PPP1R12A: variants seen among roughly 807,000 people sequenced by gnomAD.
PPP1R12A encodes myosin binding subunit.
Under a neutral mutation model 139.6 loss-of-function variants are expected in PPP1R12A, and 19 were observed. That is an observed-to-expected ratio of 0.14 (90% CI 0.09 to 0.20). The LOEUF (loss-of-function observed/expected upper bound fraction) is 0.20. PPP1R12A is among the 10% of genes least tolerant of loss of function. PPP1R12A has a pLI of 1.00. For missense variants in PPP1R12A, 925 were observed against 1,211.5 expected, an observed-to-expected ratio of 0.76 and a Z score of 3.51; for synonymous variants, 427 against 420.6, an observed-to-expected ratio of 1.02 and a Z score of -0.19.
chr12:79,838,334 G>A (rs547303396), intron 3 of PPP1R12A, among the ~76,000 whole-genome samples: 3 of 152,326 alleles, frequency 2.0e-5, no homozygotes, highest in East Asian at 1.9e-4. Context: ...AAAGGAAGCA[G>A]AGCATAAAAG....
At chr12:79,875,221 G>A (rs552233431) in intron 1 of PPP1R12A, among the ~76,000 whole-genome samples, 2 of 152,024 alleles carry the variant, frequency 1.3e-5, no homozygotes, top group Non-Finnish European at 2.9e-5. Flanking sequence ...TTTACCCTGG[G>A]GAGGCTTTCT....
At chr12:79,826,681 T>A (rs994413050) in intron 5 of PPP1R12A, among the ~76,000 whole-genome samples, 1 of 152,218 alleles carries the variant, frequency 6.6e-6, no homozygotes, top group African/African-American at 2.4e-5. Flanking sequence ...ATAAATTGTA[T>A]AGCATAGGAA....
intron 2 of PPP1R12A, among the ~76,000 whole-genome samples, chr12:79,868,747 T>C (rs75016209): frequency 1.0e-3 from 156 of 152,254 alleles, no homozygotes; most frequent in Middle Eastern, 3.4e-3. Flanking sequence ...CTTCTCCAAA[T>C]AGAGTCACAT....
intron 5 of PPP1R12A, among the ~76,000 whole-genome samples, chr12:79,824,426 A>G (rs996284641): frequency 1.2e-4 from 19 of 152,198 alleles, no homozygotes; most frequent in South Asian, 2.1e-4. Flanking sequence ...GTTAAATGCA[A>G]TGGAGTCACT....
intron 2 of PPP1R12A, among the ~76,000 whole-genome samples, chr12:79,863,962 T>C (rs1881669559): frequency 6.6e-6 from 1 of 152,140 alleles, no homozygotes; most frequent in Admixed American, 6.6e-5. Flanking sequence ...TATCCAGGAC[T>C]TGAACTCAGC....
chr12:79,924,290 T>C (rs1352044855), intron 1 of PPP1R12A, among the ~76,000 whole-genome samples: 1 of 152,206 alleles, frequency 6.6e-6, no homozygotes, highest in Non-Finnish European at 1.5e-5. Context: ...AGATTCCATG[T>C]ACTTGGAAGG....
At chr12:79,803,024 T>C (rs1873383461) in intron 14 of PPP1R12A, among the ~76,000 whole-genome samples, 1 of 152,214 alleles carries the variant, frequency 6.6e-6, no homozygotes, top group Non-Finnish European at 1.5e-5. Flanking sequence ...TAGTTTCAAA[T>C]TGCCATGAAA....
At chr12:79,779,472 T>TA (rs1870148732) in intron 23 of PPP1R12A, 2 of 752,172 alleles carry the variant, frequency 2.7e-6, no homozygotes, top group Non-Finnish European at 4.0e-6. Context: ...CTGTAAATGT[T>TA]AATGTTTTTA....
At chr12:79,820,388 C>G (rs546690048) in intron 8 of PPP1R12A, among the ~76,000 whole-genome samples, 43 of 152,264 alleles carry the variant, frequency 2.8e-4, no homozygotes, top group Non-Finnish European at 5.7e-4. Flanking sequence ...TCCATTCCTA[C>G]TTTACTATTT....
intron 2 of PPP1R12A, among the ~76,000 whole-genome samples, chr12:79,872,485 G>A (rs1177098612): frequency 6.6e-6 from 1 of 152,108 alleles, no homozygotes; most frequent in Non-Finnish European, 1.5e-5. Flanking sequence ...ATAAAGGAAT[G>A]AGTTAGACTG....
chr12:79,807,715 A>G (rs1031461167), intron 11 of PPP1R12A, among the ~76,000 whole-genome samples: 2 of 152,058 alleles, frequency 1.3e-5, no homozygotes, highest in African/African-American at 4.8e-5. Context: ...AAATAAAAAA[A>G]TTAGATATTA....
intron 3 of PPP1R12A, among the ~76,000 whole-genome samples, chr12:79,844,060 C>G (rs1268742149): frequency 6.6e-6 from 1 of 152,036 alleles, no homozygotes; most frequent in Non-Finnish European, 1.5e-5. Context: ...TTATTAAGAT[C>G]TAATTCACAG....
rs904409995 is a variant in PPP1R12A at position 79,842,614 on chromosome 12, T to A, written c.487+2688A>T. Among the ~76,000 whole-genome samples, 6 of 149,734 alleles carry A rather than the reference T, an allele frequency of 4.0e-5. No homozygotes were observed. The South Asian group carries it at 6.3e-4, about 16-fold the overall frequency. On this transcript the variant is annotated intron_variant, in intron 3 of 24. Coordinates refer to ENST00000450142, the MANE Select transcript of PPP1R12A (RefSeq NM_002480.3). ...GTGTGTGTGTGTGTGTGTGTGTGTG[T>A]GAGTCCTGCCCAAAGGTACTGCAGA... is the stretch of plus-strand genomic sequence containing the variant.
At chr12:79,880,885 A>T (rs1883577299) in intron 1 of PPP1R12A, among the ~76,000 whole-genome samples, 1 of 152,080 alleles carries the variant, frequency 6.6e-6, no homozygotes, top group Admixed American at 6.5e-5. Context: ...TGTCTGTGTC[A>T]CATTTTGGTA....
At chr12:79,783,412 G>A (rs192851881) in intron 22 of PPP1R12A, among the ~76,000 whole-genome samples, 216 of 151,934 alleles carry the variant, frequency 1.4e-3, no homozygotes, top group African/African-American at 4.9e-3. Flanking sequence ...AGGCTGCAGT[G>A]AGCCCTGACT....
At position 79,798,364 on chromosome 12, in the gene PPP1R12A, C is replaced by T. The variant is rs1448083505; in HGVS notation, c.2091+130G>A. On this transcript the variant is annotated intron_variant, in intron 15 of 24. Transcript: ENST00000450142. Reference sequence around the variant, plus strand: ...TTTACCTTTTAAGGATTTACTCACACTATATACTGACATCAATATTTTCAC... The same window carrying T: ...TTTACCTTTTAAGGATTTACTCACATTATATACTGACATCAATATTTTCAC... 20 of 570,958 alleles carry T rather than the reference C, an allele frequency of 3.5e-5. No homozygotes were observed. In the Admixed American group the frequency reaches 5.4e-4, roughly 15 times the overall value. The allele number at this position is 570,958 out of a possible 1,614,324, so 35.4% of individuals were successfully genotyped here. A position where few individuals can be genotyped will look rare whatever the true frequency, so the allele number is the denominator to read the frequency against.
At chr12:79,824,196 T>C (rs1876485618) in intron 5 of PPP1R12A, among the ~76,000 whole-genome samples, 1 of 152,196 alleles carries the variant, frequency 6.6e-6, no homozygotes, top group African/African-American at 2.4e-5. Flanking sequence ...AAATTAGAAA[T>C]ACATGTTAAT....
intron 3 of PPP1R12A, among the ~76,000 whole-genome samples, chr12:79,842,545 T>C (rs942778051): frequency 1.3e-5 from 2 of 151,088 alleles, no homozygotes; most frequent in Non-Finnish European, 2.9e-5. Flanking sequence ...CACTGCCTAA[T>C]GGACTATAAC....
Position 79,857,131 on chromosome 12 carries a change from A to C in PPP1R12A, c.369-11711T>G, listed in dbSNP as rs189947578. Among the ~76,000 whole-genome samples the C allele has an allele frequency of 5.2e-3, 799 of 152,296 alleles. 7 individuals carry two copies. The highest frequency in any genetic ancestry group is 0.017 in the African/African-American group (713 of 41,564). On this transcript the variant is annotated intron_variant, in intron 2 of 24. Transcript: ENST00000450142. ...CATGCTGCTATAAAGACACATGCAC[A>C]CGTATGTTTATTGCGGCATTATTCA...
Sources: gnomAD v4.1 joint callset for allele counts (sites outside exome capture counted in the v4.1 genomes callset) on GRCh38, gnomAD v4.1.1 for gene constraint, MANE v1.5 for transcripts, NCBI Gene and HGNC (gene_info 2026-07-23, HGNC 2026-07-21) for gene names.